UNC5B: variants seen among roughly 807,000 people sequenced by gnomAD.
UNC5B encodes unc-5 netrin receptor B.
In UNC5B, 56 loss-of-function variants were observed where a neutral mutation model predicts 103.7. The ratio of observed to expected loss-of-function variants is 0.54; its 90% CI spans 0.44 to 0.67. UNC5B has a LOEUF of 0.67. Ranked by LOEUF, UNC5B falls within the 30% of genes least tolerant of loss-of-function variation. The pLI, the probability that UNC5B is intolerant of heterozygous loss-of-function variation, is 0.00. For missense variants in UNC5B, 1,194 were observed against 1,284.5 expected, an observed-to-expected ratio of 0.93 and a Z score of 1.08; for synonymous variants, 577 against 542.0, an observed-to-expected ratio of 1.06 and a Z score of -0.90.
At chr10:71,272,573 G>T (rs778630978) in intron 1 of UNC5B, among the ~76,000 whole-genome samples, 2 of 152,192 alleles carry the variant, frequency 1.3e-5, no homozygotes. Flanking sequence ...CAACCCTGCC[G>T]TGGCTGTGCT....
intron 6 of UNC5B, among the ~76,000 whole-genome samples, chr10:71,288,362 C>G (rs1461020298): frequency 6.6e-6 from 1 of 152,198 alleles, no homozygotes; most frequent in African/African-American, 2.4e-5. Context: ...GTCCACCTGC[C>G]AGGTGCATCT....
At chr10:71,227,793 C>G (rs1240385631) in intron 1 of UNC5B, among the ~76,000 whole-genome samples, 2 of 150,876 alleles carry the variant, frequency 1.3e-5, no homozygotes, top group African/African-American at 4.9e-5. Flanking sequence ...TGGGGAAACA[C>G]TAAAGGTACT....
intron 1 of UNC5B, among the ~76,000 whole-genome samples, chr10:71,258,349 C>T (rs1844339712): frequency 6.6e-6 from 1 of 152,202 alleles, no homozygotes; most frequent in Non-Finnish European, 1.5e-5. Flanking sequence ...TCTCTGCCCA[C>T]CTGCTGGCCA....
chr10:71,253,219 G>A (rs546549800), intron 1 of UNC5B, among the ~76,000 whole-genome samples: 2 of 152,264 alleles, frequency 1.3e-5, no homozygotes, highest in South Asian at 2.1e-4. Context: ...ACCCTCCCCA[G>A]CACTGAGTAT....
In UNC5B at chr10:71,287,772, A is replaced by C. The variant is rs1178898967; in HGVS notation, c.901+7A>C. On this transcript the variant is annotated splice_region_variant and intron_variant, in intron 6 of 16. Coordinates refer to ENST00000335350, the MANE Select transcript of UNC5B (RefSeq NM_170744.5). ...TGCACCACCATCTGCCCAGGTAAGG[A>C]GCCTTGTCCATGTCCAGCCCCACCC... 3 of 1,609,442 alleles carry C rather than the reference A, an allele frequency of 1.9e-6. No homozygotes were observed. In the African/African-American group the frequency reaches 4.0e-5, roughly 22 times the overall value.
In UNC5B at chr10:71,300,390, G is replaced by A. The variant is rs556541875; in HGVS notation, c.*1113G>A. 2.0e-5 allele frequency: 3 copies of A among 152,442 alleles called. No homozygotes were observed. In the East Asian group the frequency reaches 5.8e-4, roughly 29 times the overall value. 9.4% of individuals were successfully genotyped at this position (152,442 alleles called of 1,614,324 possible). A position where few individuals can be genotyped will look rare whatever the true frequency, so the allele number is the denominator to read the frequency against. ...GAGGAGGACTGCTCAGGCCAGTTGT[G>A]AGCCAGGGAGAATGTTCCAGTCTGG... is the stretch of plus-strand genomic sequence containing the variant. On this transcript the variant is annotated 3_prime_UTR_variant, in exon 17 of 17. Transcript: ENST00000335350.
intron 1 of UNC5B, among the ~76,000 whole-genome samples, chr10:71,242,696 G>A (rs1162516007): frequency 6.6e-6 from 1 of 152,230 alleles, no homozygotes; most frequent in East Asian, 1.9e-4. Context: ...AGTGCCCAGT[G>A]CCCTCTCCTG....
chr10:71,295,444 C>T (rs1845382006), intron 13 of UNC5B, among the ~76,000 whole-genome samples: 2 of 152,194 alleles, frequency 1.3e-5, no homozygotes, highest in African/African-American at 4.8e-5. Flanking sequence ...CCAGTCATTG[C>T]TCGTCTATCC....
rs762991398 is a variant in UNC5B, at chr10:71,287,614, C to T, written c.750C>T (p.Ser250=). ...GCCTTGCAGTGAATGGCGGCTGGTC[C>T]AGCTGGGCAGAGTGGTCACCCTGCT... The part of the protein sequence containing the change: ...TVIVYVNGGW[S]SWAEWSPCSN... Residue 250 remains serine, a synonymous_variant, in exon 6 of 17, where the codon TCC becomes TCT. Coordinates refer to ENST00000335350, the MANE Select transcript of UNC5B (RefSeq NM_170744.5). 3 of 1,600,620 alleles carry T rather than the reference C, an allele frequency of 1.9e-6. No homozygotes were observed. In the South Asian group the frequency reaches 3.3e-5, roughly 18 times the overall value.
intron 1 of UNC5B, among the ~76,000 whole-genome samples, chr10:71,265,631 TC>T (rs369065098): frequency 3.6e-3 from 546 of 152,274 alleles, no homozygotes; most frequent in Non-Finnish European, 6.1e-3. Flanking sequence ...TTTGCTCTCT[TC>T]CCCTCCACCC....
At chr10:71,220,147 G>A (rs1292881147) in intron 1 of UNC5B, among the ~76,000 whole-genome samples, 1 of 152,184 alleles carries the variant, frequency 6.6e-6, no homozygotes, top group Admixed American at 6.5e-5. Context: ...CCTCTCAGCT[G>A]CTTCTGACTC....
chr10:71,280,139 C>T, intron 2 of UNC5B, 94 bp downstream of exon 2: 1 of 1,365,232 alleles, frequency 7.3e-7, no homozygotes, highest in Non-Finnish European at 1.0e-6. Context: ...GCCATGGTGC[C>T]CCCTTGGATT....
At chr10:71,287,309 C>T (rs1183228211) in intron 5 of UNC5B, among the ~76,000 whole-genome samples, 2 of 152,130 alleles carry the variant, frequency 1.3e-5, no homozygotes, top group Non-Finnish European at 2.9e-5. Flanking sequence ...AGTCCCAGGC[C>T]CCCATCACTC....
At chr10:71,248,245 G>A (rs1165038239) in intron 1 of UNC5B, among the ~76,000 whole-genome samples, 1 of 152,104 alleles carries the variant, frequency 6.6e-6, no homozygotes, top group African/African-American at 2.4e-5. Flanking sequence ...CCCCCCACTT[G>A]CTTCCACCTC....
chr10:71,288,665 C>T lies in UNC5B; in HGVS notation c.999C>T (p.Asn333=), dbSNP rs138002575. 96 of 1,613,312 alleles carry T rather than the reference C, an allele frequency of 6.0e-5. 1 individual carries two copies. In the African/African-American group the frequency reaches 6.4e-4, roughly 11 times the overall value. The change falls in exon 7 of 17, where the codon AAC becomes AAT. Residue 333 remains asparagine (N), a synonymous_variant. Transcript: ENST00000335350. ...AGTGCATGGCGCCCCCACCCCAGAA[C>T]GGAGGCCGTGACTGCAGCGGGACGC... is the stretch of plus-strand genomic sequence containing the variant. ...SRECMAPPPQ[N]GGRDCSGTLL...
At chr10:71,285,645 A>G (rs1328158983) in intron 4 of UNC5B, among the ~76,000 whole-genome samples, 1 of 150,626 alleles carries the variant, frequency 6.6e-6, no homozygotes, top group South Asian at 2.1e-4. Flanking sequence ...GCATAACCCC[A>G]CGGGATGGGG....
intron 1 of UNC5B, among the ~76,000 whole-genome samples, chr10:71,259,994 C>G: frequency 1.3e-5 from 2 of 152,310 alleles, no homozygotes; most frequent in South Asian, 4.1e-4. Context: ...AAGCTGGAGC[C>G]TCTAGGGGAC....
intron 2 of UNC5B, among the ~76,000 whole-genome samples, chr10:71,281,473 T>C (rs574619851): frequency 6.6e-6 from 1 of 152,210 alleles, no homozygotes; most frequent in East Asian, 1.9e-4. Flanking sequence ...CCCAAGTAGC[T>C]GGGACTACAG....
intron 1 of UNC5B, among the ~76,000 whole-genome samples, chr10:71,244,592 G>A (rs1040398428): frequency 2.6e-5 from 4 of 152,308 alleles, no homozygotes; most frequent in South Asian, 2.1e-4. Context: ...GAGGCTAGCC[G>A]GGGAGCAGGT....
Sources: allele counts gnomAD v4.1 joint callset (sites outside exome capture counted in the v4.1 genomes callset), GRCh38; gene constraint gnomAD v4.1.1; transcripts MANE v1.5; gene names NCBI Gene and HGNC (gene_info 2026-07-23, HGNC 2026-07-21).